The following JPH2 variants were observed in gnomAD, a reference collection of about 807,000 sequenced individuals.
JPH2 encodes the protein junctophilin 2.
Under a neutral mutation model 55.9 loss-of-function variants are expected in JPH2, and 38 were observed. That is an observed-to-expected ratio of 0.68 (90% CI 0.52 to 0.89). The LOEUF is 0.89. Ranked by LOEUF, JPH2 falls within the 40% of genes least tolerant of loss-of-function variation. The pLI, the probability that JPH2 is intolerant of heterozygous loss-of-function variation, is 0.00. For missense variants in JPH2, 964 were observed against 1,037.6 expected, an observed-to-expected ratio of 0.93 and a Z score of 0.97; for synonymous variants, 480 against 472.4, an observed-to-expected ratio of 1.02 and a Z score of -0.21.
chr20:44,146,198 T>C (rs2072493386), intron 2 of JPH2, among the ~76,000 whole-genome samples: 1 of 151,952 alleles, frequency 6.6e-6, no homozygotes, highest in Non-Finnish European at 1.5e-5. Context: ...CACGCCCAGC[T>C]GATTTTTTGT....
In JPH2 at chr20:44,177,746, C is replaced by CT; in HGVS notation, c.379+8580dup. ...AGAACTAAGCGAATCAAAGTCTTGT[C>CT]TTATTTACTGTTCCAAAGTCAAAAA... On this transcript the variant is annotated intron_variant, in intron 1 of 5. Coordinates refer to ENST00000372980, the MANE Select transcript of JPH2 (RefSeq NM_020433.5). 2.1e-6 allele frequency: 3 copies of CT among 1,425,680 alleles called. No individual in the cohort carries two copies. In the South Asian group the frequency reaches 4.3e-5, roughly 20 times the overall value. The allele number at this position is 1,425,680 out of a possible 1,614,324, so 88.3% of individuals were successfully genotyped here.
intron 2 of JPH2, among the ~76,000 whole-genome samples, chr20:44,131,991 C>T (rs1016231843): frequency 6.6e-6 from 1 of 152,116 alleles, no homozygotes; most frequent in Non-Finnish European, 1.5e-5. Context: ...GGTGACTTTG[C>T]CTTTCTCTGA....
intron 2 of JPH2, among the ~76,000 whole-genome samples, chr20:44,135,428 G>T (rs1428718076): frequency 6.6e-6 from 1 of 152,052 alleles, no homozygotes; most frequent in Non-Finnish European, 1.5e-5. Context: ...CTTCTCCTGG[G>T]AACTCTTGTC....
intron 2 of JPH2, among the ~76,000 whole-genome samples, chr20:44,140,381 G>A (rs1407375282): frequency 6.6e-6 from 1 of 152,072 alleles, no homozygotes; most frequent in African/African-American, 2.4e-5. Context: ...CCACGTGGTG[G>A]GTCAGAGCTC....
intron 1 of JPH2, among the ~76,000 whole-genome samples, chr20:44,168,066 G>C (rs535172242): frequency 6.6e-6 from 1 of 152,298 alleles, no homozygotes; most frequent in East Asian, 1.9e-4. Context: ...CTGTGTGTGA[G>C]GCAGCTAGCT....
At chr20:44,117,406 G>A (rs1032680248) in intron 3 of JPH2, among the ~76,000 whole-genome samples, 11 of 152,186 alleles carry the variant, frequency 7.2e-5, no homozygotes, top group East Asian at 1.9e-4. Flanking sequence ...CTGCAGCCTC[G>A]ATTCTCAGGA....
chr20:44,135,566 G>A (rs2072406131), intron 2 of JPH2, among the ~76,000 whole-genome samples: 1 of 152,144 alleles, frequency 6.6e-6, no homozygotes, highest in South Asian at 2.1e-4. Context: ...AGGTCACTTT[G>A]TCTTCCTCTG....
At chr20:44,115,041 C>T (rs2072176915) in intron 4 of JPH2, among the ~76,000 whole-genome samples, 165 bp from the exon 5 acceptor site, 1 of 152,094 alleles carries the variant, frequency 6.6e-6, no homozygotes, top group African/African-American at 2.4e-5. Context: ...GGCAGACCAT[C>T]ACAGCTGGAA....
At position 44,170,418 on chromosome 20, in the gene JPH2, T is replaced by C. The variant is rs148689765; in HGVS notation, c.380-10011A>G. 1.2e-4 allele frequency among the ~76,000 whole-genome samples: 18 copies of C among 152,386 alleles called. No homozygotes were observed. In the East Asian group the frequency reaches 3.3e-3, roughly 28 times the overall value. On this transcript the variant is annotated intron_variant, in intron 1 of 5. Transcript: ENST00000372980. Reference sequence around the variant, plus strand: ...AGTACCAGATGTTGGCATAAGATCTTTGGGTGGCCCATAGAAGTGTCATCA... The same window carrying C: ...AGTACCAGATGTTGGCATAAGATCTCTGGGTGGCCCATAGAAGTGTCATCA...
intron 2 of JPH2, among the ~76,000 whole-genome samples, chr20:44,153,689 C>T (rs1600854215): frequency 6.6e-6 from 1 of 152,246 alleles, no homozygotes; most frequent in Non-Finnish European, 1.5e-5. Context: ...GAAGACTAGA[C>T]AACAGCAATG....
chr20:44,128,708 A>T (rs1465846267), intron 2 of JPH2, among the ~76,000 whole-genome samples: 1 of 124,502 alleles, frequency 8.0e-6, no homozygotes, highest in Non-Finnish European at 1.8e-5. Flanking sequence ...TTTTAAAGAT[A>T]CAGAGTCTCG....
At chr20:44,134,682 A>ATAT (rs369048193) in intron 2 of JPH2, among the ~76,000 whole-genome samples, 1,166 of 11,146 alleles carry the variant, frequency 0.1, 40 homozygotes, top group East Asian at 0.23. Context: ...ATATTTATAA[A>ATAT]TATTATAAAT....
chr20:44,108,694 C>G lies in JPH2; in HGVS notation c.*4824G>C, dbSNP rs1380100444. Among the ~76,000 whole-genome samples, 1 of 151,280 alleles carries G rather than the reference C, an allele frequency of 6.6e-6. No homozygotes were observed. Among genetic ancestry groups the G allele is most frequent in the Non-Finnish European group, 1.5e-5 (1 of 67,934 alleles). ...CTGTAATGTAGGCACCTGGTCAAGA[C>G]AGCCTGGAGTGAATGGTGAATGTTC... On this transcript the variant is annotated 3_prime_UTR_variant, in exon 6 of 6. Coordinates refer to ENST00000372980, the MANE Select transcript of JPH2 (RefSeq NM_020433.5).
rs2072671858 is a variant in JPH2 at position 44,168,337 on chromosome 20, CATT to C, written c.380-7933_380-7931del. Among the ~76,000 whole-genome samples, 3 of 152,104 alleles carry C rather than the reference CATT, an allele frequency of 2.0e-5. 1 individual carries two copies. Among genetic ancestry groups the C allele is most frequent in the Admixed American group, 2.0e-4 (3 of 15,282 alleles). On this transcript the variant is annotated intron_variant, in intron 1 of 5. Transcript: ENST00000372980. ...CACACAAAAAGAATGGAAAATATCT[CATT>C]AATGATTGTATATTGTTTACACACA...
intron 2 of JPH2, among the ~76,000 whole-genome samples, chr20:44,119,813 G>T (rs1466854909): frequency 6.7e-6 from 1 of 149,988 alleles, no homozygotes; most frequent in Non-Finnish European, 1.5e-5. Context: ...GGCGGAGCTT[G>T]CAGTGAGCCG....
intron 2 of JPH2, among the ~76,000 whole-genome samples, chr20:44,137,948 C>T (rs757943384): frequency 3.3e-5 from 5 of 151,894 alleles, no homozygotes; most frequent in South Asian, 4.1e-4. Context: ...TGGTACCAGA[C>T]CATTCATTAA....
intron 2 of JPH2, among the ~76,000 whole-genome samples, chr20:44,135,317 T>C (rs1212498433): frequency 1.3e-5 from 2 of 152,144 alleles, no homozygotes; most frequent in Non-Finnish European, 2.9e-5. Flanking sequence ...ACCTCTCTGG[T>C]CTGACTCCAA....
intron 2 of JPH2, among the ~76,000 whole-genome samples, chr20:44,142,801 T>C (rs897899960): frequency 1.6e-4 from 24 of 152,194 alleles, no homozygotes; most frequent in African/African-American, 4.8e-4. Context: ...TAAGTCCTTG[T>C]TGTATGTATT....
In JPH2 at chr20:44,162,390, T is replaced by C. The variant is rs1335003159; in HGVS notation, c.380-1983A>G. ...TGGTTAATACTGAGTATTAGCTTGA[T>C]TGGATTGAAGGATGCAAAGTATCGA... is the stretch of plus-strand genomic sequence containing the variant. On this transcript the variant is annotated intron_variant, in intron 1 of 5. Transcript: ENST00000372980. Among the ~76,000 whole-genome samples the C allele has an allele frequency of 3.3e-5, 5 of 152,118 alleles. No homozygotes were observed. The South Asian group carries it at 6.2e-4, about 19-fold the overall frequency.
Sources: allele counts gnomAD v4.1 joint callset (sites outside exome capture counted in the v4.1 genomes callset), GRCh38; gene constraint gnomAD v4.1.1; transcripts MANE v1.5; gene names NCBI Gene and HGNC (gene_info 2026-07-23, HGNC 2026-07-21).